BANK1: variants seen among roughly 807,000 people sequenced by gnomAD.
BANK1 encodes the protein B cell scaffold protein with ankyrin repeats 1.
A neutral mutation model predicts 94.5 loss-of-function variants in BANK1; 95 were observed. The observed-to-expected ratio is 1.00, with a 90% CI of 0.85 to 1.19. BANK1 has a LOEUF of 1.19. BANK1 is among the 50% of genes most tolerant of loss of function. The pLI, the probability that BANK1 is intolerant of heterozygous loss-of-function variation, is 0.00. For missense variants in BANK1, 987 were observed against 932.2 expected (o/e 1.06, Z -0.77); for synonymous variants, 334 against 308.4 (o/e 1.08, Z -0.87).
chr4:101,944,048 G>C (rs1017393110), intron 7 of BANK1, among the ~76,000 whole-genome samples: 4 of 151,438 alleles, frequency 2.6e-5, no homozygotes, highest in African/African-American at 9.7e-5. Context: ...GTGAGAGAGA[G>C]AGAGAGAGAG....
intron 5 of BANK1, among the ~76,000 whole-genome samples, chr4:101,884,082 T>C (rs1453345887): frequency 6.6e-6 from 1 of 152,214 alleles, no homozygotes; most frequent in African/African-American, 2.4e-5. Flanking sequence ...AAATTATGCT[T>C]TTACAGTAAA....
chr4:101,926,493 AGATT>A (rs765258513), intron 7 of BANK1, among the ~76,000 whole-genome samples: 2 of 151,782 alleles, frequency 1.3e-5, no homozygotes, highest in Non-Finnish European at 2.9e-5. Context: ...TTTAACAAAT[AGATT>A]GATTGACTCA....
chr4:101,884,328 T>C (rs879318095), intron 5 of BANK1, among the ~76,000 whole-genome samples: 9 of 152,024 alleles, frequency 5.9e-5, no homozygotes, highest in Non-Finnish European at 1.3e-4. Flanking sequence ...ATTAACACCA[T>C]TGACCAAAGT....
chr4:101,895,146 G>A (rs1219910191), intron 5 of BANK1, among the ~76,000 whole-genome samples, 159 bp from the exon 6 acceptor site: 4 of 151,530 alleles, frequency 2.6e-5, no homozygotes, highest in Admixed American at 6.6e-5. Flanking sequence ...TTTAGGCAAG[G>A]CCCTTATGTT....
chr4:101,968,632 G>A (rs1402837557), intron 7 of BANK1, among the ~76,000 whole-genome samples: 1 of 151,966 alleles, frequency 6.6e-6, no homozygotes, highest in East Asian at 1.9e-4. Context: ...GAGAACGAAA[G>A]TACAAGGGCA....
At chr4:101,962,925 C>T (rs563167317) in intron 7 of BANK1, among the ~76,000 whole-genome samples, 26 of 152,098 alleles carry the variant, frequency 1.7e-4, no homozygotes, top group Non-Finnish European at 3.1e-4. Flanking sequence ...GCATCTAAAG[C>T]TATTAAGAGT....
At chr4:101,873,050 A>G (rs1244938163) in intron 5 of BANK1, among the ~76,000 whole-genome samples, 1 of 152,034 alleles carries the variant, frequency 6.6e-6, no homozygotes. Context: ...ATTTTGTGGA[A>G]AGCTGTACAT....
intron 11 of BANK1, among the ~76,000 whole-genome samples, chr4:102,059,268 C>G (rs1009638467): frequency 3.9e-5 from 6 of 152,156 alleles, no homozygotes; most frequent in Non-Finnish European, 7.3e-5. Context: ...ACTGGCTATT[C>G]TCTCCTTTCA....
chr4:101,890,565 A>G (rs1337542129), intron 5 of BANK1, among the ~76,000 whole-genome samples: 1 of 148,778 alleles, frequency 6.7e-6, no homozygotes, highest in African/African-American at 2.4e-5. Flanking sequence ...AAATATTATT[A>G]AAGTATAATT....
chr4:102,029,079 T>C (rs2148950126), intron 9 of BANK1, among the ~76,000 whole-genome samples: 1 of 152,312 alleles, frequency 6.6e-6, no homozygotes, highest in Non-Finnish European at 1.5e-5. Context: ...AATTCTTTTA[T>C]TTTTGTAGAT....
intron 7 of BANK1, among the ~76,000 whole-genome samples, chr4:101,986,937 C>A (rs1246108489): frequency 1.3e-5 from 1 of 77,660 alleles, no homozygotes. Context: ...ATATAGTAGG[C>A]TTGCCAGTAA....
chr4:102,032,524 T>G (rs1872701), intron 10 of BANK1: 100,087 of 151,908 alleles, frequency 0.66, 33,520 homozygotes, highest in African/African-American at 0.78. Context: ...TACTTGTTTG[T>G]TCTGCCTGTA....
chr4:101,809,883 T>C (rs1440201478), intron 1 of BANK1, among the ~76,000 whole-genome samples: 1 of 152,252 alleles, frequency 6.6e-6, no homozygotes, highest in African/African-American at 2.4e-5. Flanking sequence ...AAAGTGTCTG[T>C]GTCCTAAGCC....
At chr4:101,905,034 C>T (rs1484716888) in intron 6 of BANK1, among the ~76,000 whole-genome samples, 2 of 152,186 alleles carry the variant, frequency 1.3e-5, no homozygotes, top group African/African-American at 2.4e-5. Flanking sequence ...TCCTCCTGTT[C>T]GTTTAATTTC....
At chr4:102,051,069 G>A (rs376920328) in intron 11 of BANK1, among the ~76,000 whole-genome samples, 2 of 152,266 alleles carry the variant, frequency 1.3e-5, no homozygotes, top group African/African-American at 4.8e-5. Context: ...TGTTCTATAA[G>A]TGTGCATTGC....
chr4:101,820,145 T>G (rs72686719), intron 1 of BANK1, among the ~76,000 whole-genome samples: 1,744 of 152,282 alleles, frequency 0.011, 15 homozygotes, highest in Non-Finnish European at 0.017. Context: ...AGATAACACA[T>G]TAAATCCTGA....
At chr4:102,053,031 T>C (rs1281643858) in intron 11 of BANK1, among the ~76,000 whole-genome samples, 2 of 152,182 alleles carry the variant, frequency 1.3e-5, no homozygotes, top group Non-Finnish European at 2.9e-5. Context: ...AAATCCACAT[T>C]GGTCACAACA....
intron 15 of BANK1, 80 bp from the exon 16 acceptor site, chr4:102,073,604 A>C (rs977590683): frequency 5.3e-5 from 70 of 1,319,634 alleles, no homozygotes; most frequent in Non-Finnish European, 6.8e-5. Flanking sequence ...GGCAACTATA[A>C]CTTTGTCATA....
intron 7 of BANK1, among the ~76,000 whole-genome samples, chr4:101,982,301 A>C (rs983122620): frequency 1.3e-5 from 2 of 151,728 alleles, no homozygotes; most frequent in Admixed American, 1.3e-4. Flanking sequence ...TTTAAGACAG[A>C]ACTTTAACAA....
Sources: gnomAD v4.1 joint callset for allele counts (sites outside exome capture counted in the v4.1 genomes callset) on GRCh38, gnomAD v4.1.1 for gene constraint, MANE v1.5 for transcripts, NCBI Gene and HGNC (gene_info 2026-07-23, HGNC 2026-07-21) for gene names.